Variants in FBN3 observed in about 807,000 individuals in gnomAD.
FBN3 encodes fibrillin-3.
Under a neutral mutation model 330.1 loss-of-function variants are expected in FBN3, and 234 were observed. That is an observed-to-expected ratio of 0.71 (90% CI 0.64 to 0.79). The LOEUF (loss-of-function observed/expected upper bound fraction) is 0.79. Among genes scored for constraint, FBN3 ranks in the 30% least tolerant of loss-of-function variants. The pLI, the probability that FBN3 is intolerant of heterozygous loss-of-function variation, is 0.00. For missense variants in FBN3, 3,606 were observed against 3,886.9 expected, an observed-to-expected ratio of 0.93 and a Z score of 1.92; for synonymous variants, 1,458 against 1,517.3, an observed-to-expected ratio of 0.96 and a Z score of 0.91.
rs1260257154 is a variant in FBN3 at position 8,131,837 on chromosome 19, A to T, written c.1715-8T>A. 2.5e-6 allele frequency: 4 copies of T among 1,575,058 alleles called. No individual in the cohort carries two copies. Among genetic ancestry groups the T allele is most frequent in the South Asian group, 1.2e-5 (1 of 86,504 alleles). Reference sequence around the variant, plus strand: ...TCTGGCACTCGTCAATGTCTGCAGAAGCAGTGGCGGCACGGGGATGGGTTC... The same window carrying T: ...TCTGGCACTCGTCAATGTCTGCAGATGCAGTGGCGGCACGGGGATGGGTTC... On this transcript the variant is annotated splice_polypyrimidine_tract_variant and splice_region_variant and intron_variant, in intron 14 of 63. Transcript: ENST00000600128. This position sits in a 1 kb window ranked among gnomAD's most constrained non-coding sequence, Gnocchi z 4.5.
Position 8,131,215 on chromosome 19 carries a change from A to T in FBN3, c.2044+20T>A. 6.2e-7 allele frequency: 1 copy of T among 1,602,380 alleles called. No individual in the cohort carries two copies. The highest frequency in any genetic ancestry group is 8.5e-7 in the Non-Finnish European group (1 of 1,175,882). Reference sequence around the variant, plus strand: ...TAGGGGCAGGCTGGCTGCTGTTTGGAGGGGCTGGGCTCCACTTACCTCGAC... The same window carrying T: ...TAGGGGCAGGCTGGCTGCTGTTTGGTGGGGCTGGGCTCCACTTACCTCGAC... On this transcript the variant is annotated intron_variant, in intron 16 of 63. Transcript: ENST00000600128. This position sits in a 1 kb window ranked among gnomAD's most constrained non-coding sequence, Gnocchi z 4.5.
chr19:8,103,701 A>C lies in FBN3; in HGVS notation c.4814-14T>G. 6.2e-7 allele frequency: 1 copy of C among 1,611,288 alleles called. No individual in the cohort carries two copies. Among genetic ancestry groups the C allele is most frequent in the African/African-American group, 1.3e-5 (1 of 74,990 alleles). On this transcript the variant is annotated splice_polypyrimidine_tract_variant and intron_variant, in intron 38 of 63. Coordinates refer to ENST00000600128, the MANE Select transcript of FBN3 (RefSeq NM_032447.5). ...ATTCGTCAATATCTGCAGGGAAAGA[A>C]GGGGTGGAGGGGAACAGTGGGCAGC...
At position 8,079,307 on chromosome 19, in the gene FBN3, C is replaced by T. The variant is rs530471081; in HGVS notation, c.7453+1696G>A. Among the ~76,000 whole-genome samples the T allele has an allele frequency of 2.2e-4, 34 of 152,246 alleles. 1 individual carries two copies. The highest frequency in any genetic ancestry group is 6.8e-3 in the Middle Eastern group (2 of 294). The stretch of plus-strand genomic sequence containing the variant: ...TGTGGTGAGCCTGTAGTCCCAAGTA[C>T]TAGGGAAGCTGAAGTGGGAGAATTG... On this transcript the variant is annotated intron_variant, in intron 59 of 63. Coordinates refer to ENST00000600128, the MANE Select transcript of FBN3 (RefSeq NM_032447.5).
In FBN3 at chr19:8,149,519, C is replaced by T. The variant is rs2083627133; in HGVS notation, c.-88G>A. The T allele has an allele frequency of 6.6e-6, 1 of 151,952 alleles. No individual in the cohort carries two copies. Among genetic ancestry groups the T allele is most frequent in the South Asian group, 2.1e-4 (1 of 4,832 alleles). The allele number at this position is 151,952 out of a possible 1,614,324, so 9.4% of individuals were successfully genotyped here. On this transcript the variant is annotated 5_prime_UTR_variant, in exon 1 of 64. Transcript: ENST00000600128. The surrounding 1 kb of genome is among the most constrained non-coding windows in gnomAD (Gnocchi z 5.5). ...GGGACTCAGCGCTGCAGGGCGGGCTCCTGCGGCGCCGGGGACCCGGGGCGG... is the reference window on the plus strand; with the variant it reads ...GGGACTCAGCGCTGCAGGGCGGGCTTCTGCGGCGCCGGGGACCCGGGGCGG...
chr19:8,117,316 G>T (rs922163399), intron 27 of FBN3, 25 bp from the exon 28 acceptor site: 1 of 1,590,256 alleles, frequency 6.3e-7, no homozygotes, highest in African/African-American at 1.3e-5. Context: ...GCAGACAGGG[G>T]CTGGGGCTGG....
At chr19:8,092,134 T>C (rs2082110212) in intron 47 of FBN3, among the ~76,000 whole-genome samples, 1 of 150,506 alleles carries the variant, frequency 6.6e-6, no homozygotes, top group South Asian at 2.1e-4. Flanking sequence ...GCTGAGCTCA[T>C]ACCACTGCAC....
At chr19:8,114,645 G>A (rs935162786) in intron 30 of FBN3, among the ~76,000 whole-genome samples, 8 of 151,994 alleles carry the variant, frequency 5.3e-5, no homozygotes, top group South Asian at 2.1e-4. Context: ...GGCTGGTCTC[G>A]AACCCATGGG....
At chr19:8,107,848 A>G (rs192487941) in intron 37 of FBN3, among the ~76,000 whole-genome samples, 1 of 151,454 alleles carries the variant, frequency 6.6e-6, no homozygotes, top group East Asian at 2.0e-4. Context: ...GGCTGGATGG[A>G]TGGGTAGAAG....
In FBN3 at chr19:8,115,710, TGGGA is replaced by T. The variant is rs1278453417; in HGVS notation, c.3713-74_3713-71del. ...TGACAGGAGAGGAAGTAGGTGAGGG[TGGGA>T]GGGAGATCACCAGCATTCCTGACTG... On this transcript the variant is annotated intron_variant, in intron 29 of 63. Transcript: ENST00000600128. 1.4e-5 allele frequency: 22 copies of T among 1,554,986 alleles called. No homozygotes were observed. In the Admixed American group the frequency reaches 2.4e-4, roughly 17 times the overall value.
Position 8,086,318 on chromosome 19 carries a change from A to G in FBN3, c.6762T>C (p.Asn2254=). Residue 2254 remains asparagine (N), a synonymous_variant, in exon 55 of 64, where the codon AAT becomes AAC. Coordinates refer to ENST00000600128, the MANE Select transcript of FBN3 (RefSeq NM_032447.5). ...PGSGEGCTDD[N]ECHAQPDLCV... is the part of the protein sequence containing the mutation. ...AGAGGTCAGGCTGAGCGTGGCATTC[A>G]TTGTCATCTGAGATGGGAGGGGTGA... The G allele has an allele frequency of 6.2e-7, 1 of 1,602,594 alleles. No homozygotes were observed. Among genetic ancestry groups the G allele is most frequent in the Non-Finnish European group, 8.5e-7 (1 of 1,172,752 alleles).
At chr19:8,136,751 G>GA (rs1430377079) in intron 10 of FBN3, among the ~76,000 whole-genome samples, 1 of 151,354 alleles carries the variant, frequency 6.6e-6, no homozygotes, top group African/African-American at 2.4e-5. Flanking sequence ...CTCCAACCTG[G>GA]GCCTGGATCC....
At chr19:8,111,227 G>A (rs1304972140) in intron 32 of FBN3, 44 bp from the exon 33 acceptor site, 2 of 1,550,524 alleles carry the variant, frequency 1.3e-6, no homozygotes, top group Admixed American at 3.7e-5. Context: ...CGGTGGACCA[G>A]GACCCACACA....
At position 8,141,957 on chromosome 19, in the gene FBN3, T is replaced by C; in HGVS notation, c.722A>G (p.His241Arg). 1 of 1,614,124 alleles carries C rather than the reference T, an allele frequency of 6.2e-7. No homozygotes were observed. The highest frequency in any genetic ancestry group is 8.5e-7 in the Non-Finnish European group (1 of 1,180,008). ...CTATTCACCTTGGCAGGCCCCCGTG[T>C]GGATATTGGGGATGAAGCCGCGGCG... The part of the protein sequence containing the change: ...PCRRGFIPNI[H>R]TGACQDVDEC... Residue 241 changes from histidine to arginine, a missense_variant, in exon 7 of 64, where the codon CAC (histidine) becomes CGC (arginine). Physicochemically the swap from His to Arg is conservative, Grantham distance 29. Transcript: ENST00000600128.
intron 63 of FBN3, among the ~76,000 whole-genome samples, chr19:8,071,152 G>A (rs147293838): frequency 1.3e-5 from 2 of 152,270 alleles, no homozygotes; most frequent in Non-Finnish European, 2.9e-5. Context: ...TTGGCTTTCA[G>A]ATCCCTTGGG....
intron 56 of FBN3, 142 bp downstream of exon 56, chr19:8,085,221 A>ACAC: frequency 3.3e-5 from 4 of 122,176 alleles, no homozygotes; most frequent in Non-Finnish European, 5.3e-5. Flanking sequence ...TAGCACAAAG[A>ACAC]CACACACACA....
rs889216198 is a variant in FBN3, at chr19:8,117,519, G to A, written c.3408C>T (p.Phe1136=). 5.1e-6 allele frequency: 8 copies of A among 1,558,692 alleles called. No homozygotes were observed. The highest frequency in any genetic ancestry group is 1.4e-5 in the African/African-American group (1 of 73,472). The change falls in exon 27 of 64, where the codon TTC becomes TTT. Residue 1136 remains phenylalanine, a synonymous_variant. Transcript: ENST00000600128. ...HGQCVNVIGA[F]QCSCHAGFQS... Reference sequence around the variant, plus strand: ...GGAAGCCGGCATGGCAGGAGCACTGGAAGGCACCGATGACATTGACACACT... The same window carrying A: ...GGAAGCCGGCATGGCAGGAGCACTGAAAGGCACCGATGACATTGACACACT...
chr19:8,092,159 CAG>C (rs199760748), intron 47 of FBN3, among the ~76,000 whole-genome samples: 2,369 of 149,508 alleles, frequency 0.016, 74 homozygotes, highest in African/African-American at 0.056. Flanking sequence ...GCCTGGGTGA[CAG>C]AGCGAGACTC....
At chr19:8,077,013 C>T (rs1248927298) in intron 59 of FBN3, among the ~76,000 whole-genome samples, 1 of 152,238 alleles carries the variant, frequency 6.6e-6, no homozygotes, top group African/African-American at 2.4e-5. Flanking sequence ...ATCCTCCCAA[C>T]TCAGCCTCCC....
In FBN3 at chr19:8,096,844, C is replaced by T. The variant is rs1383045188; in HGVS notation, c.5413+37G>A. The T allele has an allele frequency of 6.2e-7, 1 of 1,605,994 alleles. No homozygotes were observed. The highest frequency in any genetic ancestry group is 8.5e-7 in the Non-Finnish European group (1 of 1,177,862). On this transcript the variant is annotated intron_variant, in intron 43 of 63. Transcript: ENST00000600128. This position sits in a 1 kb window ranked among gnomAD's most constrained non-coding sequence, Gnocchi z 4.6. ...ATCTAAGTCCCCATGGGTGACAGAG[C>T]CCAGCTCCCTCACCTCCTCCCAGGG...
Sources: allele counts gnomAD v4.1 joint callset (sites outside exome capture counted in the v4.1 genomes callset), GRCh38; gene constraint gnomAD v4.1.1; non-coding constraint Gnocchi (gnomAD v3.1); transcripts MANE v1.5; gene names NCBI Gene and HGNC (gene_info 2026-07-23, HGNC 2026-07-21).